JMJD1C: variants seen among roughly 807,000 people sequenced by gnomAD.
JMJD1C encodes jumonji domain containing 1C.
Under a neutral mutation model 245.3 loss-of-function variants are expected in JMJD1C, and 31 were observed. That is an observed-to-expected ratio of 0.13 (90% CI 0.09 to 0.17). The LOEUF is 0.17. Ranked by LOEUF, JMJD1C falls within the 10% of genes least tolerant of loss-of-function variation. JMJD1C has a pLI of 1.00. For missense variants in JMJD1C, 2,691 were observed against 3,000.2 expected (o/e 0.90, Z 2.41); for synonymous variants, 1,057 against 1,017.4 (o/e 1.04, Z -0.74).
chr10:63,347,435 A>G (rs372223288), intron 2 of JMJD1C, among the ~76,000 whole-genome samples: 42 of 151,746 alleles, frequency 2.8e-4, no homozygotes, highest in African/African-American at 9.9e-4. Context: ...GACAAAAAAA[A>G]TTAGCCAGGC....
chr10:63,340,078 A>G (rs552511258), intron 2 of JMJD1C, among the ~76,000 whole-genome samples: 2 of 152,170 alleles, frequency 1.3e-5, no homozygotes, highest in African/African-American at 4.8e-5. Context: ...AATAATAAGT[A>G]AATTACACAT....
At chr10:63,519,378 C>G (rs1955131370) in intron 1 of JMJD1C, among the ~76,000 whole-genome samples, 1 of 152,174 alleles carries the variant, frequency 6.6e-6, no homozygotes, top group African/African-American at 2.4e-5. Context: ...TAAGAGACTT[C>G]CAATGTACGT....
chr10:63,307,484 A>G lies in JMJD1C; in HGVS notation c.334-42720T>C, dbSNP rs561742671. On this transcript the variant is annotated intron_variant, in intron 2 of 25. Transcript: ENST00000399262. ...GAGAAATCTTTAAGAAAAATACCTC[A>G]TAAGGACAGGGGCAAAGTGGGTAGA... 5.3e-5 allele frequency among the ~76,000 whole-genome samples: 8 copies of G among 152,324 alleles called. No individual in the cohort carries two copies. The East Asian group carries it at 1.3e-3, about 26-fold the overall frequency.
intron 3 of JMJD1C, among the ~76,000 whole-genome samples, chr10:63,256,945 AAG>A (rs1262969640): frequency 9.9e-5 from 15 of 152,156 alleles, no homozygotes; most frequent in African/African-American, 3.6e-4. Flanking sequence ...GATATAGAAA[AAG>A]AGAGTAGCCA....
intron 1 of JMJD1C, among the ~76,000 whole-genome samples, chr10:63,484,837 G>T (rs1320217541): frequency 1.3e-5 from 2 of 151,738 alleles, no homozygotes; most frequent in Admixed American, 6.6e-5. Flanking sequence ...GAAAATAGAG[G>T]GGGGGAATAA....
At chr10:63,460,362 A>T (rs1462107907) in intron 1 of JMJD1C, among the ~76,000 whole-genome samples, 2 of 152,034 alleles carry the variant, frequency 1.3e-5, no homozygotes, top group Non-Finnish European at 2.9e-5. Flanking sequence ...ACAAAAAAAA[A>T]TTTAAAAATT....
chr10:63,326,062 T>C (rs182746973), intron 2 of JMJD1C, among the ~76,000 whole-genome samples: 72 of 152,312 alleles, frequency 4.7e-4, no homozygotes, highest in Non-Finnish European at 7.5e-4. Context: ...ACTAAGAACA[T>C]CTTTCACGTA....
At chr10:63,275,575 CTTAT>C (rs1856700360) in intron 2 of JMJD1C, among the ~76,000 whole-genome samples, 1 of 151,798 alleles carries the variant, frequency 6.6e-6, no homozygotes, top group African/African-American at 2.4e-5. Flanking sequence ...GAAAGAAAAG[CTTAT>C]TTAATTACTT....
intron 2 of JMJD1C, among the ~76,000 whole-genome samples, chr10:63,303,432 A>G (rs1258873685): frequency 1.3e-5 from 2 of 152,102 alleles, no homozygotes; most frequent in Non-Finnish European, 2.9e-5. Flanking sequence ...CAGCCTCACA[A>G]GTAGCTGGGA....
intron 3 of JMJD1C, among the ~76,000 whole-genome samples, chr10:63,258,065 G>C (rs1300510304): frequency 1.3e-5 from 2 of 152,082 alleles, no homozygotes; most frequent in Admixed American, 6.6e-5. Context: ...CCACGAAAAA[G>C]GTTTAAGATA....
intron 1 of JMJD1C, among the ~76,000 whole-genome samples, chr10:63,443,306 T>C (rs892567871): frequency 6.6e-6 from 1 of 151,994 alleles, no homozygotes; most frequent in African/African-American, 2.4e-5. Context: ...GTTTTTTTTG[T>C]TTTGTTTTGC....
At chr10:63,173,217 C>A (rs962693026) in intron 24 of JMJD1C, among the ~76,000 whole-genome samples, 8 of 152,068 alleles carry the variant, frequency 5.3e-5, no homozygotes, top group Non-Finnish European at 1.2e-4. Flanking sequence ...CAGCCAAATG[C>A]CCATATGCAA....
intron 1 of JMJD1C, among the ~76,000 whole-genome samples, chr10:63,491,347 A>G (rs577666230): frequency 2.6e-5 from 4 of 152,146 alleles, no homozygotes; most frequent in African/African-American, 9.7e-5. Context: ...CTTAATATTT[A>G]CATGTAATAT....
chr10:63,345,152 CTA>C (rs1317123331), intron 2 of JMJD1C, among the ~76,000 whole-genome samples: 1 of 152,114 alleles, frequency 6.6e-6, no homozygotes, highest in East Asian at 1.9e-4. Flanking sequence ...AATGGATAAT[CTA>C]ACTGTGGTAT....
intron 2 of JMJD1C, among the ~76,000 whole-genome samples, chr10:63,362,983 T>C (rs536410767): frequency 6.3e-4 from 96 of 152,206 alleles, no homozygotes; most frequent in Middle Eastern, 6.8e-3. Context: ...GGACCTTCAC[T>C]TTCCCTGAGG....
At chr10:63,462,485 G>A (rs531348400) in intron 1 of JMJD1C, among the ~76,000 whole-genome samples, 2 of 152,278 alleles carry the variant, frequency 1.3e-5, no homozygotes, top group South Asian at 4.1e-4. Context: ...ACCTGTAACT[G>A]TTACATTACA....
At chr10:63,202,061 T>C (rs1193894194) in intron 10 of JMJD1C, among the ~76,000 whole-genome samples, 2 of 151,322 alleles carry the variant, frequency 1.3e-5, no homozygotes, top group Non-Finnish European at 1.5e-5. Context: ...TCAAGACCAG[T>C]CTGGCCAATA....
At chr10:63,289,283 T>C (rs1464945926) in intron 2 of JMJD1C, among the ~76,000 whole-genome samples, 2 of 149,090 alleles carry the variant, frequency 1.3e-5, no homozygotes, top group African/African-American at 4.9e-5. Flanking sequence ...AAGACTTTCA[T>C]TTGGTTTATG....
intron 2 of JMJD1C, chr10:63,301,740 C>A: frequency 2.2e-6 from 1 of 451,154 alleles, no homozygotes; most frequent in South Asian, 1.6e-5. Flanking sequence ...ACGCAGCAAA[C>A]CACCATGGCA....
Sources: gnomAD v4.1 joint callset for allele counts (sites outside exome capture counted in the v4.1 genomes callset) on GRCh38, gnomAD v4.1.1 for gene constraint, MANE v1.5 for transcripts, NCBI Gene and HGNC (gene_info 2026-07-23, HGNC 2026-07-21) for gene names.